Variants in LRRTM3 observed in about 807,000 individuals in gnomAD.
LRRTM3 encodes the protein leucine rich repeat transmembrane neuronal 3.
A neutral mutation model predicts 44.7 loss-of-function variants in LRRTM3; 24 were observed. The observed-to-expected ratio is 0.54, with a 90% CI of 0.39 to 0.76. The LOEUF is 0.76. Ranked by LOEUF, LRRTM3 falls within the 30% of genes least tolerant of loss-of-function variation. The pLI, the probability that LRRTM3 is intolerant of heterozygous loss-of-function variation, is 0.00. For missense variants in LRRTM3, 587 were observed against 702.2 expected (o/e 0.84, Z 1.85); for synonymous variants, 277 against 278.7 (o/e 0.99, Z 0.06).
At chr10:66,949,250 C>T (rs898903222) in intron 2 of LRRTM3, among the ~76,000 whole-genome samples, 7 of 151,978 alleles carry the variant, frequency 4.6e-5, no homozygotes, top group African/African-American at 1.7e-4. Context: ...TGATAAACAT[C>T]CCCTTTAAAA....
At position 66,983,970 on chromosome 10, in the gene LRRTM3, A is replaced by G. The variant is rs73315294; in HGVS notation, c.1536+55518A>G. Among the ~76,000 whole-genome samples the G allele has an allele frequency of 7.5e-3, 1,137 of 152,318 alleles. 18 individuals are homozygous for G. Among genetic ancestry groups the G allele is most frequent in the African/African-American group, 0.026 (1,084 of 41,570 alleles). Reference sequence around the variant, plus strand: ...ACGGTAAATGGTAGATACTATTATTATCTCAATTTTATAGTTGATGATAAT... The same window carrying G: ...ACGGTAAATGGTAGATACTATTATTGTCTCAATTTTATAGTTGATGATAAT... On this transcript the variant is annotated intron_variant, in intron 2 of 2. Coordinates refer to ENST00000361320, the MANE Select transcript of LRRTM3 (RefSeq NM_178011.5).
intron 2 of LRRTM3, among the ~76,000 whole-genome samples, chr10:67,033,928 C>T (rs1367042588): frequency 6.6e-6 from 1 of 152,118 alleles, no homozygotes; most frequent in Non-Finnish European, 1.5e-5. Context: ...TGCGCTACCA[C>T]ACCTAGCTAA....
At chr10:66,939,836 T>C (rs1847901353) in intron 2 of LRRTM3, among the ~76,000 whole-genome samples, 1 of 152,218 alleles carries the variant, frequency 6.6e-6, no homozygotes, top group South Asian at 2.1e-4. Context: ...TTTTACCTTC[T>C]ATTTGAAATT....
At chr10:66,991,572 A>T (rs1012609890) in intron 2 of LRRTM3, among the ~76,000 whole-genome samples, 9 of 152,106 alleles carry the variant, frequency 5.9e-5, no homozygotes, top group African/African-American at 1.9e-4. Context: ...AGTTTTTGAG[A>T]TGGAGTTTCG....
At chr10:66,993,116 C>T (rs1451372561) in intron 2 of LRRTM3, among the ~76,000 whole-genome samples, 2 of 152,132 alleles carry the variant, frequency 1.3e-5, no homozygotes, top group African/African-American at 4.8e-5. Context: ...AAAATAGCCT[C>T]ATTCGCATGG....
chr10:67,034,888 T>C (rs1335630406), intron 2 of LRRTM3, among the ~76,000 whole-genome samples: 1 of 152,242 alleles, frequency 6.6e-6, no homozygotes, highest in Non-Finnish European at 1.5e-5. Flanking sequence ...GCTTACCATT[T>C]GATCATGTTG....
At chr10:67,028,085 G>T (rs947171750) in intron 2 of LRRTM3, among the ~76,000 whole-genome samples, 2 of 152,114 alleles carry the variant, frequency 1.3e-5, no homozygotes, top group East Asian at 3.9e-4. Context: ...TGCTATATTC[G>T]TTTATTCTTC....
chr10:66,937,903 C>G (rs1157643454), intron 2 of LRRTM3, among the ~76,000 whole-genome samples: 2 of 151,962 alleles, frequency 1.3e-5, no homozygotes, highest in African/African-American at 4.8e-5. Context: ...TTTTTTCCCC[C>G]TCTCCCAGAG....
At chr10:67,088,448 C>T (rs561444359) in intron 2 of LRRTM3, among the ~76,000 whole-genome samples, 2 of 151,846 alleles carry the variant, frequency 1.3e-5, no homozygotes, top group East Asian at 3.9e-4. Context: ...TCAAAAGTGG[C>T]CACATCATTT....
chr10:67,005,682 C>CTTTTATTTTTTTTTTTTTTTT (rs1851927415), intron 2 of LRRTM3, among the ~76,000 whole-genome samples: 1 of 61,976 alleles, frequency 1.6e-5, no homozygotes, highest in Non-Finnish European at 2.9e-5. Flanking sequence ...TTTACTCCAT[C>CTTTTATTTTTTTTTTTTTTTT]TTTTTTTTTT....
At chr10:66,955,455 AATT>A (rs774614059) in intron 2 of LRRTM3, among the ~76,000 whole-genome samples, 5 of 152,270 alleles carry the variant, frequency 3.3e-5, no homozygotes, top group Non-Finnish European at 5.9e-5. Context: ...AATTCAGTAA[AATT>A]AATCATCTTG....
intron 2 of LRRTM3, among the ~76,000 whole-genome samples, chr10:66,980,803 G>A (rs1467549964): frequency 1.3e-5 from 2 of 152,160 alleles, no homozygotes; most frequent in Admixed American, 6.6e-5. Flanking sequence ...AGATAATCTT[G>A]AATTTTGTAA....
intron 2 of LRRTM3, among the ~76,000 whole-genome samples, chr10:67,037,580 T>G (rs1417006212): frequency 6.6e-6 from 1 of 152,084 alleles, no homozygotes; most frequent in African/African-American, 2.4e-5. Context: ...GAAGTATGAC[T>G]GGATGCAAGG....
chr10:66,969,494 A>T (rs147221994), intron 2 of LRRTM3, among the ~76,000 whole-genome samples: 1 of 152,148 alleles, frequency 6.6e-6, no homozygotes, highest in African/African-American at 2.4e-5. Context: ...CTTTAATTGT[A>T]TCTTGGATTA....
At chr10:67,076,687 G>A (rs947097139) in intron 2 of LRRTM3, among the ~76,000 whole-genome samples, 2 of 152,266 alleles carry the variant, frequency 1.3e-5, no homozygotes, top group Middle Eastern at 3.4e-3. Flanking sequence ...GAAATTCCAG[G>A]TAACCAAACA....
chr10:66,992,681 A>T (rs557111007), intron 2 of LRRTM3, among the ~76,000 whole-genome samples: 3 of 152,186 alleles, frequency 2.0e-5, no homozygotes, highest in Non-Finnish European at 4.4e-5. Context: ...CAGTTTTAAC[A>T]TTTTGTTGAT....
chr10:67,060,246 A>G (rs1049140483), intron 2 of LRRTM3, among the ~76,000 whole-genome samples: 3 of 152,102 alleles, frequency 2.0e-5, no homozygotes, highest in African/African-American at 7.2e-5. Context: ...TGGGCCTGGG[A>G]GGTAGAGGCT....
At chr10:67,070,532 A>C (rs1856382313) in intron 2 of LRRTM3, among the ~76,000 whole-genome samples, 1 of 152,090 alleles carries the variant, frequency 6.6e-6, no homozygotes, top group Non-Finnish European at 1.5e-5. Flanking sequence ...GCAGATAACA[A>C]GGTCCGGAGA....
chr10:66,931,375 C>T (rs1358121573), intron 2 of LRRTM3, among the ~76,000 whole-genome samples: 1 of 152,148 alleles, frequency 6.6e-6, no homozygotes, highest in African/African-American at 2.4e-5. Context: ...GTCCCAGTGC[C>T]ACAGTCTTGT....
Sources: gnomAD v4.1 joint callset for allele counts (sites outside exome capture counted in the v4.1 genomes callset) on GRCh38, gnomAD v4.1.1 for gene constraint, MANE v1.5 for transcripts, NCBI Gene and HGNC (gene_info 2026-07-23, HGNC 2026-07-21) for gene names.